The following OR2Z1 variants were observed in gnomAD, a reference collection of about 807,000 sequenced individuals.
OR2Z1 encodes the protein olfactory receptor family 2 subfamily Z member 1, also known as olfactory receptor 2Z1.
For missense variants in OR2Z1, 449 were observed against 401.8 expected (o/e 1.12, Z -1.00); for synonymous variants, 188 against 160.6 (o/e 1.17, Z -1.29).
chr19:8,722,379 C>T (rs1276781408), intron 1 of OR2Z1, among the ~76,000 whole-genome samples: 3 of 152,068 alleles, frequency 2.0e-5, no homozygotes, highest in Non-Finnish European at 2.9e-5. Flanking sequence ...CATGCCTGGT[C>T]ATAACGGACT....
chr19:8,722,266 T>C (rs2043310593), intron 1 of OR2Z1, among the ~76,000 whole-genome samples: 1 of 150,434 alleles, frequency 6.6e-6, no homozygotes, highest in African/African-American at 2.4e-5. Flanking sequence ...TAAGTGAATA[T>C]AATATAAGAG....
At chr19:8,724,292 G>A (rs1163166316) in intron 2 of OR2Z1, among the ~76,000 whole-genome samples, 1 of 151,954 alleles carries the variant, frequency 6.6e-6, no homozygotes, top group Non-Finnish European at 1.5e-5. Flanking sequence ...CTGGAGTGCA[G>A]TGGTGTGATC....
chr19:8,725,338 G>A (rs2043323162), intron 2 of OR2Z1, among the ~76,000 whole-genome samples: 1 of 152,138 alleles, frequency 6.6e-6, no homozygotes, highest in South Asian at 2.1e-4. Flanking sequence ...TGCCTCCTGG[G>A]TTTAAGCAAT....
chr19:8,728,712 A>G, intron 2 of OR2Z1: 1 of 560,988 alleles, frequency 1.8e-6, no homozygotes, highest in East Asian at 4.5e-5. Context: ...ACATATATTT[A>G]GAATTAGCCA....
chr19:8,723,963 T>C (rs1160090904), intron 2 of OR2Z1, among the ~76,000 whole-genome samples: 15 of 114,202 alleles, frequency 1.3e-4, no homozygotes, highest in Admixed American at 7.7e-4. Context: ...TGAAGGGGAG[T>C]CTGTTTGTGT....
intron 2 of OR2Z1, among the ~76,000 whole-genome samples, chr19:8,729,966 C>G (rs1330469121): frequency 1.3e-5 from 2 of 152,086 alleles, no homozygotes; most frequent in African/African-American, 4.8e-5. Context: ...GTCTTGGCTT[C>G]TTAAGGTGCT....
intron 2 of OR2Z1, 49 bp from the exon 3 acceptor site, chr19:8,730,811 C>T (rs1194769724): frequency 3.4e-6 from 2 of 586,228 alleles, no homozygotes; most frequent in Non-Finnish European, 6.1e-6. Context: ...GCTTCTTTCC[C>T]ATCCCATGCC....
At chr19:8,728,203 G>C (rs1555756358) in intron 2 of OR2Z1, among the ~76,000 whole-genome samples, 2 of 152,178 alleles carry the variant, frequency 1.3e-5, no homozygotes, top group Non-Finnish European at 2.9e-5. Context: ...GGCACTGCAT[G>C]GTCTTTCAGA....
chr19:8,722,453 G>T (rs774823041), intron 1 of OR2Z1, among the ~76,000 whole-genome samples: 4 of 152,140 alleles, frequency 2.6e-5, no homozygotes, highest in Admixed American at 1.3e-4. Flanking sequence ...GTCACTCAGT[G>T]TCAGCAAAGG....
intron 2 of OR2Z1, among the ~76,000 whole-genome samples, 156 bp from the exon 3 acceptor site, chr19:8,730,704 C>T (rs1555756620): frequency 6.6e-6 from 1 of 152,150 alleles, no homozygotes; most frequent in Non-Finnish European, 1.5e-5. Flanking sequence ...AGGCGTGAGG[C>T]ACCACGTCCA....
chr19:8,730,355 G>T (rs1341674022), intron 2 of OR2Z1, among the ~76,000 whole-genome samples: 4 of 151,982 alleles, frequency 2.6e-5, no homozygotes, highest in Non-Finnish European at 5.9e-5. Flanking sequence ...CTCAGCTTTG[G>T]TTAAGGACCC....
intron 2 of OR2Z1, chr19:8,728,632 A>T (rs2043337541): frequency 9.0e-6 from 4 of 445,064 alleles, no homozygotes; most frequent in South Asian, 7.4e-5. Context: ...TTGGGTTTCA[A>T]TTGAAACTGT....
At chr19:8,727,337 T>A (rs1371060561) in intron 2 of OR2Z1, among the ~76,000 whole-genome samples, 1 of 152,204 alleles carries the variant, frequency 6.6e-6, no homozygotes, top group African/African-American at 2.4e-5. Context: ...TGGTCACCTC[T>A]GTTGAAAACT....
chr19:8,729,539 T>C (rs1220627656), intron 2 of OR2Z1, among the ~76,000 whole-genome samples: 1 of 151,702 alleles, frequency 6.6e-6, no homozygotes, highest in Non-Finnish European at 1.5e-5. Context: ...GCCTCCCCAG[T>C]AGCTGAGACT....
intron 2 of OR2Z1, among the ~76,000 whole-genome samples, chr19:8,727,728 G>A (rs371531905): frequency 6.6e-6 from 1 of 152,188 alleles, no homozygotes; most frequent in Non-Finnish European, 1.5e-5. Flanking sequence ...TTAGCTGATT[G>A]TGATGGCATG....
chr19:8,728,897 T>G, intron 2 of OR2Z1: 1 of 656,234 alleles, frequency 1.5e-6, no homozygotes, highest in South Asian at 1.4e-5. Flanking sequence ...GCTTGTTGGC[T>G]TCAATGTCCA....
Position 8,732,105 on chromosome 19 carries a change from T to C in OR2Z1, c.*132T>C. On this transcript the variant is annotated 3_prime_UTR_variant, in exon 3 of 3. Transcript: ENST00000641125. ...CAGCCATTGCCCAAGGTGCAACTTT[T>C]TGAGAAAATGTCTGCCTTTTAAATT... 2 of 674,716 alleles carry C rather than the reference T, an allele frequency of 3.0e-6. No homozygotes were observed. Among genetic ancestry groups the C allele is most frequent in the Non-Finnish European group, 2.5e-6 (1 of 392,990 alleles). The allele number at this position is 674,716 out of a possible 1,614,324, so 41.8% of individuals were successfully genotyped here. A position where few individuals can be genotyped will look rare whatever the true frequency, so the allele number is the denominator to read the frequency against.
Position 8,731,423 on chromosome 19 carries a change from A to G in OR2Z1, c.395A>G (p.Tyr132Cys), listed in dbSNP as rs1555756748. 3.7e-6 allele frequency: 6 copies of G among 1,613,952 alleles called. No homozygotes were observed. The highest frequency in any genetic ancestry group is 2.2e-5 in the East Asian group (1 of 44,860). The change falls in exon 3 of 3, where the codon TAT becomes TGT. Residue 132 changes from tyrosine to cysteine, a missense_variant. Physicochemically the swap from Tyr to Cys is radical, Grantham distance 194. Transcript: ENST00000641125. Reference sequence around the variant, plus strand: ...GTTGCTGTGTGCCAGCCCCTGCAGTATCCTGTACTTATGAGACGCCAGGTA... The same window carrying G: ...GTTGCTGTGTGCCAGCCCCTGCAGTGTCCTGTACTTATGAGACGCCAGGTA... ...RYVAVCQPLQ[Y>C]PVLMRRQVCL...
chr19:8,731,609 C>T lies in OR2Z1; in HGVS notation c.581C>T (p.Ala194Val), dbSNP rs782574009. 6.2e-7 allele frequency: 1 copy of T among 1,614,026 alleles called. No individual in the cohort carries two copies. The highest frequency in any genetic ancestry group is 8.5e-7 in the Non-Finnish European group (1 of 1,180,030). ...LLKLSCADTC[A>V]YEMALSTSGV... ...AAGCTCTCCTGTGCAGATACCTGTG[C>T]CTACGAGATGGCGCTGTCCACCTCA... The change falls in exon 3 of 3, where the codon GCC (alanine) becomes GTC (valine). Residue 194 changes from alanine to valine, a missense_variant. Transcript: ENST00000641125.
Sources: gnomAD v4.1 joint callset for allele counts (sites outside exome capture counted in the v4.1 genomes callset) on GRCh38, gnomAD v4.1.1 for gene constraint, MANE v1.5 for transcripts, NCBI Gene and HGNC (gene_info 2026-07-23, HGNC 2026-07-21) for gene names.